Variants in RELL1 observed in about 807,000 individuals in gnomAD.
The protein encoded by RELL1 is RELT-like protein 1.
RELL1 carries 10 observed loss-of-function variants against 23.0 expected under a neutral mutation model. The ratio of observed to expected loss-of-function variants is 0.43; its 90% CI spans 0.27 to 0.74. RELL1 has a LOEUF of 0.74. Among genes scored for constraint, RELL1 ranks in the 30% least tolerant of loss-of-function variants. The pLI, the probability that RELL1 is intolerant of heterozygous loss-of-function variation, is 0.19. For missense variants in RELL1, 315 were observed against 364.4 expected (o/e 0.86, Z 1.10); for synonymous variants, 146 against 146.8 (o/e 0.99, Z 0.04).
At chr4:37,642,241 A>C (rs934150464) in intron 3 of RELL1, among the ~76,000 whole-genome samples, 1 of 152,264 alleles carries the variant, frequency 6.6e-6, no homozygotes, top group African/African-American at 2.4e-5. Context: ...TCACAAAGGC[A>C]TCTCTTGCCT....
At chr4:37,622,162 A>C (rs1366147356) in intron 6 of RELL1, among the ~76,000 whole-genome samples, 1 of 152,250 alleles carries the variant, frequency 6.6e-6, no homozygotes, top group Non-Finnish European at 1.5e-5. Context: ...AAATCTCAAC[A>C]GTCAGGGAAC....
chr4:37,674,775 T>G (rs1211317381), intron 1 of RELL1, among the ~76,000 whole-genome samples: 1 of 152,224 alleles, frequency 6.6e-6, no homozygotes, highest in East Asian at 1.9e-4. Flanking sequence ...CTTCCACCTC[T>G]TACAGGAATC....
In RELL1 at chr4:37,669,054, T is replaced by TG. The variant is rs1262974092; in HGVS notation, c.88+17145dup. On this transcript the variant is annotated intron_variant, in intron 1 of 6. Coordinates refer to ENST00000454158, the MANE Select transcript of RELL1 (RefSeq NM_001085400.2). Reference sequence around the variant, plus strand: ...CCAGCCGCCCCGTCCGGGAGGGAGGTGGGGGGGTCAGCCCCCCGCCTGGCC... The same window carrying TG: ...CCAGCCGCCCCGTCCGGGAGGGAGGTGGGGGGGGTCAGCCCCCCGCCTGGCC... Among the ~76,000 whole-genome samples, 53 of 94,412 alleles carry TG rather than the reference T, an allele frequency of 5.6e-4. No homozygotes were observed. The East Asian group carries it at 0.012, about 22-fold the overall frequency. 61.9% of individuals were successfully genotyped at this position (94,412 alleles called of 152,430 possible).
intron 2 of RELL1, among the ~76,000 whole-genome samples, 190 bp downstream of exon 2, chr4:37,649,086 C>A (rs1720802874): frequency 1.3e-5 from 2 of 152,194 alleles, no homozygotes; most frequent in Admixed American, 6.5e-5. Flanking sequence ...CCCTATCTGG[C>A]AGGTATTCAG....
chr4:37,651,380 G>A (rs1720933575), intron 1 of RELL1, among the ~76,000 whole-genome samples: 1 of 152,202 alleles, frequency 6.6e-6, no homozygotes, highest in Non-Finnish European at 1.5e-5. Context: ...GGGTTTGACT[G>A]AAACAAAGCT....
At chr4:37,597,003 C>T (rs905111199) in intron 6 of RELL1, among the ~76,000 whole-genome samples, 1 of 151,748 alleles carries the variant, frequency 6.6e-6, no homozygotes, top group East Asian at 1.9e-4. Flanking sequence ...CCACCTTGAC[C>T]TCCCAAAGTG....
At chr4:37,657,008 G>T (rs547775202) in intron 1 of RELL1, among the ~76,000 whole-genome samples, 129 of 152,278 alleles carry the variant, frequency 8.5e-4, no homozygotes, top group Middle Eastern at 3.4e-3. Context: ...GGCTTGAGAA[G>T]AACTCAGATA....
intron 1 of RELL1, among the ~76,000 whole-genome samples, chr4:37,680,215 A>G (rs951115734): frequency 1.3e-5 from 2 of 152,226 alleles, no homozygotes; most frequent in Non-Finnish European, 2.9e-5. Flanking sequence ...GAAAATAACA[A>G]GAATATGAAA....
chr4:37,629,972 A>G (rs143919200), intron 6 of RELL1, among the ~76,000 whole-genome samples: 79 of 152,268 alleles, frequency 5.2e-4, no homozygotes, highest in African/African-American at 1.8e-3. Flanking sequence ...AAAGAGCACC[A>G]CTTCCAATTT....
intron 6 of RELL1, among the ~76,000 whole-genome samples, chr4:37,604,430 G>A (rs542291951): frequency 3.3e-5 from 5 of 152,102 alleles, no homozygotes; most frequent in African/African-American, 9.6e-5. Flanking sequence ...GTTGTGACTT[G>A]GTCACAAATG....
intron 6 of RELL1, among the ~76,000 whole-genome samples, chr4:37,595,216 G>A (rs972585640): frequency 1.2e-4 from 19 of 152,108 alleles, no homozygotes; most frequent in African/African-American, 4.6e-4. Flanking sequence ...TACTAAATTT[G>A]TAAGTTTCTC....
chr4:37,665,774 T>C (rs554089191), intron 1 of RELL1, among the ~76,000 whole-genome samples: 1 of 152,350 alleles, frequency 6.6e-6, no homozygotes, highest in African/African-American at 2.4e-5. Context: ...GTGAATTCCC[T>C]GAAGCTTACA....
chr4:37,661,242 C>T (rs576730656), intron 1 of RELL1, among the ~76,000 whole-genome samples: 1 of 151,300 alleles, frequency 6.6e-6, no homozygotes, highest in Non-Finnish European at 1.5e-5. Flanking sequence ...ACTACTAGTG[C>T]AAAACAACCT....
intron 3 of RELL1, among the ~76,000 whole-genome samples, chr4:37,644,604 C>A (rs375662946): frequency 2.6e-5 from 4 of 151,560 alleles, no homozygotes; most frequent in East Asian, 3.9e-4. Context: ...AGATTACAGA[C>A]ATGCACCACC....
chr4:37,658,393 A>G (rs890349416), intron 1 of RELL1, among the ~76,000 whole-genome samples: 5 of 152,238 alleles, frequency 3.3e-5, no homozygotes, highest in African/African-American at 1.2e-4. Context: ...TTACAGCACT[A>G]TCAATACTAA....
intron 6 of RELL1, among the ~76,000 whole-genome samples, chr4:37,614,060 G>A (rs961858875): frequency 6.6e-6 from 1 of 152,192 alleles, no homozygotes; most frequent in African/African-American, 2.4e-5. Flanking sequence ...TCTCCCACCT[G>A]CCAAAATCAT....
intron 6 of RELL1, among the ~76,000 whole-genome samples, chr4:37,621,125 A>C (rs1210805149): frequency 3.3e-5 from 5 of 152,204 alleles, no homozygotes; most frequent in African/African-American, 1.2e-4. Context: ...AACTTAAGCT[A>C]TTTAATGTTA....
intron 6 of RELL1, among the ~76,000 whole-genome samples, chr4:37,601,605 AGGAAAAG>A (rs1328051122): frequency 1.3e-5 from 2 of 152,240 alleles, no homozygotes; most frequent in Non-Finnish European, 2.9e-5. Context: ...AAGCAATAAA[AGGAAAAG>A]GGTTTGCAAA....
chr4:37,671,674 G>T (rs564940726), intron 1 of RELL1, among the ~76,000 whole-genome samples: 1 of 152,122 alleles, frequency 6.6e-6, no homozygotes, highest in Non-Finnish European at 1.5e-5. Context: ...CCCCTTGTTC[G>T]GCGTATAATC....
Sources: allele counts gnomAD v4.1 joint callset (sites outside exome capture counted in the v4.1 genomes callset), GRCh38; gene constraint gnomAD v4.1.1; transcripts MANE v1.5; gene names NCBI Gene and HGNC (gene_info 2026-07-23, HGNC 2026-07-21).